SART1: variants seen among roughly 807,000 people sequenced by gnomAD.
The protein encoded by SART1 is spliceosome associated factor 1, recruiter of U4/U6.U5 tri-snRNP.
Under a neutral mutation model 105.0 loss-of-function variants are expected in SART1, and 28 were observed. The ratio of observed to expected loss-of-function variants is 0.27; its 90% confidence interval spans 0.20 to 0.37. The LOEUF is 0.37. SART1 is among the 10% of genes least tolerant of loss of function. The probability of loss-of-function intolerance (pLI) is 1.00; values close to 1 mark genes in which losing one functional copy is unlikely to be tolerated. For missense variants in SART1, 894 were observed against 1,106.5 expected (o/e 0.81, Z 2.72); for synonymous variants, 472 against 462.9 (o/e 1.02, Z -0.25).
rs1489144775 is a variant in SART1 at position 65,977,882 on chromosome 11, A to C, written c.2155A>C (p.Lys719Gln). ...CGAATACGTGGATGAGACGGGCCGG[A>C]AACTCACACCCAAGGAGGTGAGCAG... ...KIEYVDETGRKLTPKEAFRQL... is the reference protein window; with the variant it reads ...KIEYVDETGRQLTPKEAFRQL... Residue 719 changes from lysine (K) to glutamine (Q), a missense_variant, in exon 17 of 20, where the codon AAA becomes CAA. By Grantham distance (53) the Lys-to-Gln change is moderately conservative. Coordinates refer to ENST00000312397, the MANE Select transcript of SART1 (RefSeq NM_005146.5). 3 of 1,612,266 alleles carry C rather than the reference A, an allele frequency of 1.9e-6. No individual in the cohort carries two copies. The highest frequency in any genetic ancestry group is 3.4e-5 in the Admixed American group (2 of 59,538).
intron 12 of SART1, among the ~76,000 whole-genome samples, chr11:65,972,158 G>A (rs1005514334): frequency 6.6e-6 from 1 of 152,118 alleles, no homozygotes; most frequent in African/African-American, 2.4e-5. Flanking sequence ...TGCAACTCCA[G>A]TAAAAATCCC....
Position 65,979,543 on chromosome 11 carries a change from T to G in SART1, c.*513T>G. ...GGCTGGGAGTATTTGGTGCACGCGG[T>G]ATGGGGAGGGCTGAGCTCAGTGCCT... is the stretch of plus-strand genomic sequence containing the variant. On this transcript the variant is annotated 3_prime_UTR_variant, in exon 20 of 20. Transcript: ENST00000312397. 6.0e-6 allele frequency: 1 copy of G among 165,376 alleles called. No individual in the cohort carries two copies. Among genetic ancestry groups the G allele is most frequent in the South Asian group, 1.7e-4 (1 of 5,980 alleles). The allele number at this position is 165,376 out of a possible 1,614,324, so 10.2% of individuals were successfully genotyped here. A position where few individuals can be genotyped will look rare whatever the true frequency, so the allele number is the denominator to read the frequency against.
Position 65,961,815 on chromosome 11 carries a change from AGGCGGCCGGGACGACGGC to A in SART1, c.45_62del (p.Thr17_Thr22del). On this transcript the variant is annotated inframe_deletion, in exon 1 of 20. Coordinates refer to ENST00000312397, the MANE Select transcript of SART1 (RefSeq NM_005146.5). ...TCCAAGAAGCATCGCGGAGAGAAGGAGGCGGCCGGGACGACGGCGGCGGCCGGCACCGGGGGTGCCACC... is the reference window on the plus strand; with the variant it reads ...TCCAAGAAGCATCGCGGAGAGAAGGAGGCGGCCGGCACCGGGGGTGCCACC... The A allele has an allele frequency of 6.4e-7, 1 of 1,562,152 alleles. No homozygotes were observed. The highest frequency in any genetic ancestry group is 8.6e-7 in the Non-Finnish European group (1 of 1,160,394).
intron 12 of SART1, among the ~76,000 whole-genome samples, chr11:65,970,017 C>T (rs530143514): frequency 5.4e-4 from 83 of 152,312 alleles, no homozygotes; most frequent in African/African-American, 1.9e-3. Flanking sequence ...CCACCACACC[C>T]GGCCACCTAG....
At chr11:65,970,810 G>A (rs1252991453) in intron 12 of SART1, among the ~76,000 whole-genome samples, 4 of 72,872 alleles carry the variant, frequency 5.5e-5, no homozygotes, top group Non-Finnish European at 8.3e-5. Flanking sequence ...GGGATGGTGG[G>A]ATTCATGAGC....
intron 12 of SART1, among the ~76,000 whole-genome samples, chr11:65,975,011 G>A (rs1254199713): frequency 2.6e-5 from 4 of 151,956 alleles, no homozygotes; most frequent in Non-Finnish European, 5.9e-5. Flanking sequence ...CTGCACTCCA[G>A]CCTGGGCGAC....
In SART1 at chr11:65,964,134, G is replaced by A; in HGVS notation, c.371+3G>A. ...TCACTCAGCATCGAGGAGACTAAGT[G>A]AGTACTGTCTCCCTTGTTTCTACTT... On this transcript the variant is annotated splice_donor_region_variant and intron_variant, in intron 2 of 19. Coordinates refer to ENST00000312397, the MANE Select transcript of SART1 (RefSeq NM_005146.5). The A allele has an allele frequency of 6.2e-7, 1 of 1,611,868 alleles. No individual in the cohort carries two copies. Among genetic ancestry groups the A allele is most frequent in the Non-Finnish European group, 8.5e-7 (1 of 1,178,984 alleles).
rs539969537 is a variant in SART1, at chr11:65,978,335, G to C, written c.2173-265G>C. On this transcript the variant is annotated intron_variant, in intron 17 of 19. Transcript: ENST00000312397. The surrounding 1 kb of genome is among the most constrained non-coding windows in gnomAD (Gnocchi z 6.8). ...CCCCAGCCCCAGCCCCAGCGTCCAG[G>C]CCCAGCCCCTGCGTGGCAGGTCTCC... 2.6e-5 allele frequency among the ~76,000 whole-genome samples: 4 copies of C among 152,046 alleles called. No homozygotes were observed. Among genetic ancestry groups the C allele is most frequent in the African/African-American group, 9.7e-5 (4 of 41,408 alleles).
At position 65,979,190 on chromosome 11, in the gene SART1, A is replaced by G. The variant is rs1855542399; in HGVS notation, c.*160A>G. ...CTAGGTGAGACCTGGCCATCAAATG[A>G]CACAAACAACTAAACGATGGAAGAG... On this transcript the variant is annotated 3_prime_UTR_variant, in exon 20 of 20. Transcript: ENST00000312397. The G allele has an allele frequency of 2.3e-6, 2 of 859,408 alleles. No individual in the cohort carries two copies. The highest frequency in any genetic ancestry group is 1.6e-5 in the South Asian group (1 of 60,994). The allele number at this position is 859,408 out of a possible 1,614,324, so 53.2% of individuals were successfully genotyped here.
At chr11:65,962,865 T>G (rs1250576286) in intron 1 of SART1, among the ~76,000 whole-genome samples, 1 of 151,994 alleles carries the variant, frequency 6.6e-6, no homozygotes, top group East Asian at 1.9e-4. Context: ...TCAGCACTTG[T>G]ATGAGGGTGG....
rs1424379362 is a variant in SART1, at chr11:65,976,062, G to A, written c.1573-333G>A. 6.6e-6 allele frequency among the ~76,000 whole-genome samples: 1 copy of A among 152,158 alleles called. No homozygotes were observed. Among genetic ancestry groups the A allele is most frequent in the African/African-American group, 2.4e-5 (1 of 41,426 alleles). ...CCGGAGTTTGTCGGGGGAGGGGCAG[G>A]TGGCAGGAGGGAGCCTGGAGGAAGG... On this transcript the variant is annotated intron_variant, in intron 12 of 19. Coordinates refer to ENST00000312397, the MANE Select transcript of SART1 (RefSeq NM_005146.5). This position sits in a 1 kb window ranked among gnomAD's most constrained non-coding sequence, Gnocchi z 5.1.
Position 65,974,402 on chromosome 11 carries a change from C to A in SART1, c.1573-1993C>A, listed in dbSNP as rs547163677. On this transcript the variant is annotated intron_variant, in intron 12 of 19. Transcript: ENST00000312397. ...AAAAAAAAAAAAAAACCATATCAGC[C>A]GGGTGTGGTGGTTCACACCTATAGT... Among the ~76,000 whole-genome samples, 387 of 141,562 alleles carry A rather than the reference C, an allele frequency of 2.7e-3. 1 individual carries two copies. The highest frequency in any genetic ancestry group is 9.7e-3 in the African/African-American group (375 of 38,832). The allele number at this position is 141,562 out of a possible 152,430, so 92.9% of individuals were successfully genotyped here.
At chr11:65,972,003 A>T (rs1855388552) in intron 12 of SART1, among the ~76,000 whole-genome samples, 1 of 152,018 alleles carries the variant, frequency 6.6e-6, no homozygotes, top group Admixed American at 6.5e-5. Flanking sequence ...AGCTCACTGC[A>T]ATTTCCACCT....
intron 1 of SART1, 34 bp downstream of exon 1, chr11:65,962,127 G>T: frequency 9.2e-7 from 1 of 1,088,262 alleles, no homozygotes; most frequent in Non-Finnish European, 1.3e-6. Context: ...GGGGCGGGTC[G>T]GGCGGGGGTC....
Position 65,978,733 on chromosome 11 carries a change from C to T in SART1, c.2262+44C>T, listed in dbSNP as rs761937096. The T allele has an allele frequency of 6.2e-7, 1 of 1,613,720 alleles. No individual in the cohort carries two copies. The highest frequency in any genetic ancestry group is 8.5e-7 in the Non-Finnish European group (1 of 1,179,768). Reference sequence around the variant, plus strand: ...GTGGGGGGCCCTGTGCCTGCCGGGGCAGGGGTGGCTGGTGTGTGGGGCCTG... The same window carrying T: ...GTGGGGGGCCCTGTGCCTGCCGGGGTAGGGGTGGCTGGTGTGTGGGGCCTG... On this transcript the variant is annotated intron_variant, in intron 18 of 19. Transcript: ENST00000312397. The surrounding 1 kb of genome is among the most constrained non-coding windows in gnomAD (Gnocchi z 6.8).
Position 65,980,103 on chromosome 11 carries a change from C to T in SART1, c.*1073C>T, listed in dbSNP as rs1411184602. ...ACTGCAGCCTAGGTGACAGTCAGACCCTGTCTCAAAAAAAATAAAAAAAAT... is the reference window on the plus strand; with the variant it reads ...ACTGCAGCCTAGGTGACAGTCAGACTCTGTCTCAAAAAAAATAAAAAAAAT... On this transcript the variant is annotated 3_prime_UTR_variant, in exon 20 of 20. Coordinates refer to ENST00000312397, the MANE Select transcript of SART1 (RefSeq NM_005146.5). Among the ~76,000 whole-genome samples, 1 of 151,816 alleles carries T rather than the reference C, an allele frequency of 6.6e-6. No individual in the cohort carries two copies. The highest frequency in any genetic ancestry group is 1.5e-5 in the Non-Finnish European group (1 of 68,008).
rs1394676598 is a variant in SART1 at position 65,961,859 on chromosome 11, G to C, written c.79G>C (p.Glu27Gln). 5.1e-6 allele frequency: 8 copies of C among 1,576,120 alleles called. No homozygotes were observed. Among genetic ancestry groups the C allele is most frequent in the Non-Finnish European group, 6.9e-6 (8 of 1,163,522 alleles). The change falls in exon 1 of 20, where the codon GAG becomes CAG. Residue 27 changes from glutamate (E) to glutamine (Q), a missense_variant. Coordinates refer to ENST00000312397, the MANE Select transcript of SART1 (RefSeq NM_005146.5). ...TAAAGTGGAT[E>Q]QPPRHREHKK... ...GGCGGCCGGCACCGGGGGTGCCACC[G>C]AGCAGCCGCCGCGGCACCGGGAACA...
chr11:65,977,455 G>A (rs1590645634), intron 15 of SART1, 108 bp from the exon 16 acceptor site: 1 of 908,642 alleles, frequency 1.1e-6, no homozygotes, highest in East Asian at 2.5e-5. Flanking sequence ...TGGCTTTCCA[G>A]AGGCAAGGAA....
intron 12 of SART1, among the ~76,000 whole-genome samples, chr11:65,974,518 A>C (rs995793761): frequency 2.0e-4 from 31 of 151,748 alleles, no homozygotes; most frequent in Admixed American, 3.3e-4. Context: ...GTCTCTACTA[A>C]AAATACAAAA....
Sources: allele counts gnomAD v4.1 joint callset (sites outside exome capture counted in the v4.1 genomes callset), GRCh38; gene constraint gnomAD v4.1.1; non-coding constraint Gnocchi (gnomAD v3.1); transcripts MANE v1.5; gene names NCBI Gene and HGNC (gene_info 2026-07-23, HGNC 2026-07-21).